The following TSC22D2 variants were observed in gnomAD, a reference collection of about 807,000 sequenced individuals.
TSC22D2 encodes the protein TSC22 domain family member 2.
Under a neutral mutation model 50.1 loss-of-function variants are expected in TSC22D2, and 5 were observed. The observed-to-expected ratio is 0.10, with a 90% CI of 0.05 to 0.21. TSC22D2 has a LOEUF of 0.21. Among genes scored for constraint, TSC22D2 ranks in the 10% least tolerant of loss-of-function variants. The pLI, the probability that TSC22D2 is intolerant of heterozygous loss-of-function variation, is 1.00. For missense variants in TSC22D2, 1,003 were observed against 1,015.5 expected, an observed-to-expected ratio of 0.99 and a Z score of 0.17; for synonymous variants, 501 against 450.1, an observed-to-expected ratio of 1.11 and a Z score of -1.43.
intron 1 of TSC22D2, among the ~76,000 whole-genome samples, chr3:150,428,434 CAG>C (rs1255017658): frequency 6.6e-6 from 1 of 151,952 alleles, no homozygotes. Flanking sequence ...ATGGAAACCT[CAG>C]GGCGTGGTTA....
chr3:150,442,406 G>A (rs1209828547), intron 1 of TSC22D2, among the ~76,000 whole-genome samples: 1 of 152,130 alleles, frequency 6.6e-6, no homozygotes, highest in Non-Finnish European at 1.5e-5. Context: ...CACAAAATTT[G>A]GTGTCTGAAA....
intron 1 of TSC22D2, among the ~76,000 whole-genome samples, chr3:150,453,054 T>G (rs1254509790): frequency 2.0e-5 from 3 of 152,234 alleles, no homozygotes; most frequent in Non-Finnish European, 4.4e-5. Flanking sequence ...TAAAATTGAC[T>G]TATTTCAGTT....
chr3:150,425,850 T>C (rs1720163745), intron 1 of TSC22D2, among the ~76,000 whole-genome samples: 1 of 152,244 alleles, frequency 6.6e-6, no homozygotes, highest in South Asian at 2.1e-4. Context: ...CATATTGACT[T>C]AAAGTTCTCT....
At chr3:150,448,002 A>C (rs1720935841) in intron 1 of TSC22D2, among the ~76,000 whole-genome samples, 1 of 152,206 alleles carries the variant, frequency 6.6e-6, no homozygotes, top group African/African-American at 2.4e-5. Flanking sequence ...CAGTAAAATG[A>C]AATCTCTTTC....
At chr3:150,437,010 A>G (rs1243218462) in intron 1 of TSC22D2, among the ~76,000 whole-genome samples, 1 of 151,968 alleles carries the variant, frequency 6.6e-6, no homozygotes, top group East Asian at 1.9e-4. Context: ...TCTTTCCCCC[A>G]TCCCTTCCAC....
chr3:150,450,482 ATTAT>A (rs1047220972), intron 1 of TSC22D2, among the ~76,000 whole-genome samples: 5 of 152,022 alleles, frequency 3.3e-5, no homozygotes, highest in African/African-American at 9.7e-5. Context: ...GAAATTAAAC[ATTAT>A]TTGTTTTACA....
At chr3:150,441,777 A>G (rs2108090096) in intron 1 of TSC22D2, among the ~76,000 whole-genome samples, 1 of 152,294 alleles carries the variant, frequency 6.6e-6, no homozygotes, top group Middle Eastern at 3.4e-3. Context: ...GTCAATAAAT[A>G]GAGTCATCAG....
At chr3:150,430,207 C>A (rs1326917320) in intron 1 of TSC22D2, among the ~76,000 whole-genome samples, 2 of 151,922 alleles carry the variant, frequency 1.3e-5, no homozygotes, top group Admixed American at 1.3e-4. Context: ...AGAATTTGGT[C>A]AAGCAGAATT....
rs1194260831 is a variant in TSC22D2, at chr3:150,460,010, C to G, written c.*1374C>G. 2 of 152,066 alleles carry G rather than the reference C, an allele frequency of 1.3e-5. No homozygotes were observed. The highest frequency in any genetic ancestry group is 3.4e-3 in the Middle Eastern group (1 of 294). The allele number at this position is 152,066 out of a possible 1,614,324, so 9.4% of individuals were successfully genotyped here. A position where few individuals can be genotyped will look rare whatever the true frequency, so the allele number is the denominator to read the frequency against. On this transcript the variant is annotated 3_prime_UTR_variant, in exon 3 of 3. Coordinates refer to ENST00000688009, the MANE Select transcript of TSC22D2 (RefSeq NM_001303264.2). Reference sequence around the variant, plus strand: ...AATGTACATTTCATAAATACAGTTTCAAAAGAAAGCATCATTTTGTGTATA... The same window carrying G: ...AATGTACATTTCATAAATACAGTTTGAAAAGAAAGCATCATTTTGTGTATA...
rs1191796952 is a variant in TSC22D2 at position 150,459,476 on chromosome 3, TTTTTTTCGGGTGGGAATAA to T, written c.*841_*859del. On this transcript the variant is annotated 3_prime_UTR_variant, in exon 3 of 3. Coordinates refer to ENST00000688009, the MANE Select transcript of TSC22D2 (RefSeq NM_001303264.2). ...CTGCTTTTCAACATTTCGTATGACT[TTTTTTTCGGGTGGGAATAA>T]AAAGCTGTGAAATTGTTCAACCTAC... 2 of 152,470 alleles carry T rather than the reference TTTTTTTCGGGTGGGAATAA, an allele frequency of 1.3e-5. No homozygotes were observed. The highest frequency in any genetic ancestry group is 4.8e-5 in the African/African-American group (2 of 41,426). The allele number at this position is 152,470 out of a possible 1,614,324, so 9.4% of individuals were successfully genotyped here. A position where few individuals can be genotyped will look rare whatever the true frequency, so the allele number is the denominator to read the frequency against.
intron 1 of TSC22D2, among the ~76,000 whole-genome samples, chr3:150,455,545 G>T (rs1721159401): frequency 6.6e-6 from 1 of 152,228 alleles, no homozygotes; most frequent in African/African-American, 2.4e-5. Flanking sequence ...GGATTTAGAA[G>T]TGGAAAGTCC....
chr3:150,435,099 T>C (rs2108083117), intron 1 of TSC22D2, among the ~76,000 whole-genome samples: 1 of 152,240 alleles, frequency 6.6e-6, no homozygotes, highest in South Asian at 2.1e-4. Context: ...TACCTCAGCC[T>C]CCCGAGTAGC....
chr3:150,431,247 AAAAAG>A (rs1306967885), intron 1 of TSC22D2, among the ~76,000 whole-genome samples: 78 of 150,730 alleles, frequency 5.2e-4, no homozygotes, highest in Non-Finnish European at 8.3e-4. Context: ...AAAAAAAAAA[AAAAAG>A]AGTAGATAGG....
intron 1 of TSC22D2, among the ~76,000 whole-genome samples, chr3:150,423,636 T>C (rs2108071706): frequency 6.6e-6 from 1 of 152,330 alleles, no homozygotes; most frequent in African/African-American, 2.4e-5. Context: ...TACTGATTTG[T>C]AAGCCCCTAA....
At position 150,410,884 on chromosome 3, in the gene TSC22D2, G is replaced by A; in HGVS notation, c.1534G>A (p.Ala512Thr). 1 of 1,614,022 alleles carries A rather than the reference G, an allele frequency of 6.2e-7. No homozygotes were observed. The change falls in exon 1 of 3, where the codon GCC becomes ACC. Residue 512 changes from alanine to threonine, a missense_variant. By Grantham distance (58) the Ala-to-Thr change is moderately conservative. Around this residue, in one of 6 missense-constraint regions of TSC22D2, gnomAD observed 696 missense variants for 647.8 expected, o/e 1.07. Coordinates refer to ENST00000688009, the MANE Select transcript of TSC22D2 (RefSeq NM_001303264.2). ...GCCCGGAGTTCCAAACGTGCCTGCA[G>A]CCGTGCCCGCTCCAAGCGTGCCTAG... The part of the protein sequence containing the change: ...VVPGVPNVPA[A>T]VPAPSVPSVS...
chr3:150,449,022 G>A (rs888544697), intron 1 of TSC22D2, among the ~76,000 whole-genome samples: 1 of 151,842 alleles, frequency 6.6e-6, no homozygotes, highest in African/African-American at 2.4e-5. Context: ...AACAGAAATC[G>A]CTGTACTGGG....
At position 150,455,880 on chromosome 3, in the gene TSC22D2, A is replaced by G. The variant is rs536316358; in HGVS notation, c.1959-1196A>G. 4.1e-4 allele frequency among the ~76,000 whole-genome samples: 61 copies of G among 147,302 alleles called. No individual in the cohort carries two copies. In the South Asian group the frequency reaches 0.013, roughly 31 times the overall value. ...TACAAGAGTAATTTTTAAAAACCTA[A>G]TAACTGTTTTTAGAAATAAAATTCA... On this transcript the variant is annotated intron_variant, in intron 1 of 2. Coordinates refer to ENST00000688009, the MANE Select transcript of TSC22D2 (RefSeq NM_001303264.2).
intron 1 of TSC22D2, among the ~76,000 whole-genome samples, chr3:150,432,782 AC>A (rs1463720841): frequency 1.3e-5 from 2 of 152,150 alleles, no homozygotes; most frequent in Admixed American, 6.5e-5. Flanking sequence ...CAGTTGGGCA[AC>A]CTTTTGGGAA....
chr3:150,409,753 G>A lies in TSC22D2; in HGVS notation c.403G>A (p.Gly135Ser). Residue 135 changes from glycine (G) to serine (S), a missense_variant, in exon 1 of 3, where the codon GGC (glycine) becomes AGC (serine). Gly to Ser is a moderately conservative substitution (Grantham distance 56). Around this residue, in one of 6 missense-constraint regions of TSC22D2, gnomAD observed 200 missense variants for 182.8 expected, o/e 1.09. Coordinates refer to ENST00000688009, the MANE Select transcript of TSC22D2 (RefSeq NM_001303264.2). This position sits in a 1 kb window ranked among gnomAD's most constrained non-coding sequence, Gnocchi z 7.4. ...TTCGGCCCCCGCCCCCGGAGCACCC[G>A]GCGGCCCCCAGCTCGCGGGCTCATC... ...ATSAPAPGAP[G>S]GPQLAGSSAG... 1.2e-6 allele frequency: 2 copies of A among 1,601,526 alleles called. No individual in the cohort carries two copies. Among genetic ancestry groups the A allele is most frequent in the South Asian group, 2.2e-5 (2 of 90,972 alleles).
Sources: gnomAD v4.1 joint callset for allele counts (sites outside exome capture counted in the v4.1 genomes callset) on GRCh38, gnomAD v4.1.1 for gene constraint, gnomAD v4.1.1 regional missense constraint, Gnocchi (gnomAD v3.1) non-coding constraint, MANE v1.5 for transcripts, NCBI Gene and HGNC (gene_info 2026-07-23, HGNC 2026-07-21) for gene names.